Variants in SLC25A48 observed in about 807,000 individuals in gnomAD.
SLC25A48 encodes the protein CTC-321K16.1.
SLC25A48 carries 29 observed loss-of-function variants against 32.2 expected under a neutral mutation model. The ratio of observed to expected loss-of-function variants is 0.90; its 90% CI spans 0.67 to 1.23. The LOEUF (loss-of-function observed/expected upper bound fraction) is 1.23, where lower values mean the gene tolerates loss of function less well. Among genes scored for constraint, SLC25A48 ranks in the 50% most tolerant of loss-of-function variants. The pLI is 0.00. For synonymous variants in SLC25A48, 164 were observed against 172.3 expected (o/e 0.95, Z 0.38); for missense variants, 399 against 422.7 (o/e 0.94, Z 0.49).
At chr5:135,864,700 C>T (rs189930613) in intron 4 of SLC25A48, among the ~76,000 whole-genome samples, 1 of 152,356 alleles carries the variant, frequency 6.6e-6, no homozygotes, top group East Asian at 1.9e-4. Context: ...AGTTTGAACC[C>T]TTTGAACAGT....
At chr5:135,883,112 A>G in intron 7 of SLC25A48, 1 of 985,442 alleles carries the variant, frequency 1.0e-6, no homozygotes, top group African/African-American at 1.7e-5. Context: ...AGAACCCATG[A>G]TGTGAATTTA....
At chr5:135,855,751 G>A (rs544373832) in intron 4 of SLC25A48, among the ~76,000 whole-genome samples, 3 of 152,324 alleles carry the variant, frequency 2.0e-5, no homozygotes, top group East Asian at 1.9e-4. Context: ...GGACTCATAC[G>A]CATGTATGTC....
intron 5 of SLC25A48, chr5:135,872,584 A>G (rs1227320528): frequency 1.3e-5 from 2 of 152,284 alleles, no homozygotes; most frequent in Non-Finnish European, 2.9e-5. Flanking sequence ...GATGAAGGAT[A>G]TTGGTGCACC....
intron 3 of SLC25A48, among the ~76,000 whole-genome samples, chr5:135,771,739 G>A (rs1004735438): frequency 6.6e-6 from 1 of 151,432 alleles, no homozygotes; most frequent in East Asian, 1.9e-4. Context: ...ATATCCAAGG[G>A]GAGAGAGGAT....
chr5:135,697,822 G>A (rs2126963562), intron 3 of SLC25A48, among the ~76,000 whole-genome samples: 1 of 152,288 alleles, frequency 6.6e-6, no homozygotes, highest in Non-Finnish European at 1.5e-5. Flanking sequence ...CTGGCTGCCA[G>A]GTGAGCTGCC....
chr5:135,831,361 C>T (rs714089), upstream of SLC25A48, among the ~76,000 whole-genome samples: 20,608 of 152,304 alleles, frequency 0.14, 1,845 homozygotes, highest in Middle Eastern at 0.2. Context: ...ATCAGGCCTG[C>T]GCCAGGCTCT....
At chr5:135,668,193 G>A (rs1055068162) in intron 3 of SLC25A48, among the ~76,000 whole-genome samples, 4 of 152,094 alleles carry the variant, frequency 2.6e-5, no homozygotes, top group Admixed American at 6.5e-5. Context: ...ATAAATATTG[G>A]CACTAACAAG....
At chr5:135,882,340 T>C (rs1051242916) in intron 7 of SLC25A48, among the ~76,000 whole-genome samples, 37 of 152,332 alleles carry the variant, frequency 2.4e-4, no homozygotes, top group Middle Eastern at 3.4e-3. Flanking sequence ...CAAGTAGCTC[T>C]GAGATTTGGG....
At chr5:135,693,763 G>C (rs77818759) in intron 3 of SLC25A48, among the ~76,000 whole-genome samples, 4,107 of 152,266 alleles carry the variant, frequency 0.027, 71 homozygotes, top group Non-Finnish European at 0.04. Context: ...GAAAAAGGAG[G>C]GGGTCTGAGG....
chr5:135,820,615 G>A (rs1757859097), intron 4 of SLC25A48, among the ~76,000 whole-genome samples: 1 of 152,040 alleles, frequency 6.6e-6, no homozygotes, highest in East Asian at 1.9e-4. Context: ...GAGAGACAAA[G>A]AGATGGATAA....
At chr5:135,717,661 G>A (rs1368498396) in intron 3 of SLC25A48, among the ~76,000 whole-genome samples, 2 of 152,158 alleles carry the variant, frequency 1.3e-5, no homozygotes, top group Admixed American at 1.3e-4. Context: ...GGATGCACAG[G>A]TTGGTGTAGA....
At chr5:135,853,020 A>T (rs1354003851) in intron 4 of SLC25A48, among the ~76,000 whole-genome samples, 199 bp downstream of exon 4, 1 of 152,238 alleles carries the variant, frequency 6.6e-6, no homozygotes, top group Non-Finnish European at 1.5e-5. Context: ...ATCACAATAA[A>T]AGTCACATGA....
chr5:135,694,564 G>A (rs1456440940), intron 3 of SLC25A48, among the ~76,000 whole-genome samples: 1 of 151,896 alleles, frequency 6.6e-6, no homozygotes, highest in African/African-American at 2.4e-5. Flanking sequence ...AAGCCACATT[G>A]ATTATTTTAT....
At chr5:135,770,680 T>C (rs1220030920) in intron 3 of SLC25A48, among the ~76,000 whole-genome samples, 1 of 151,294 alleles carries the variant, frequency 6.6e-6, no homozygotes, top group African/African-American at 2.4e-5. Context: ...TTGTTTCTAA[T>C]ATCCAGAAAA....
intron 3 of SLC25A48, among the ~76,000 whole-genome samples, chr5:135,730,033 G>A (rs758158912): frequency 2.0e-4 from 31 of 152,292 alleles, no homozygotes; most frequent in South Asian, 4.1e-4. Flanking sequence ...AAACTGACAG[G>A]TGTAAGGTAT....
At chr5:135,777,271 A>G (rs945247256) in intron 3 of SLC25A48, among the ~76,000 whole-genome samples, 5 of 151,944 alleles carry the variant, frequency 3.3e-5, no homozygotes, top group Non-Finnish European at 5.9e-5. Context: ...CTAGAGGGGT[A>G]GTAGATGATA....
intron 7 of SLC25A48, among the ~76,000 whole-genome samples, chr5:135,881,491 A>G (rs953373379): frequency 1.3e-5 from 2 of 152,238 alleles, no homozygotes; most frequent in African/African-American, 2.4e-5. Flanking sequence ...CAACATTCAC[A>G]GCTTCTCTGG....
chr5:135,793,535 G>A (rs149584853), intron 3 of SLC25A48, among the ~76,000 whole-genome samples: 402 of 151,774 alleles, frequency 2.6e-3, no homozygotes, highest in African/African-American at 8.9e-3. Context: ...AATATTATTC[G>A]TAATATCCTT....
At position 135,849,443 on chromosome 5, in the gene SLC25A48, G is replaced by A. The variant is rs554134141; in HGVS notation, c.91-982G>A. Among the ~76,000 whole-genome samples the A allele has an allele frequency of 3.9e-5, 6 of 152,266 alleles. No homozygotes were observed. In the South Asian group the frequency reaches 8.3e-4, roughly 21 times the overall value. ...TAAGACTAGGGCAGGGGTACTCTTC[G>A]GTGGGCTTACTCAGACCCTCTATGC... On this transcript the variant is annotated intron_variant, in intron 2 of 7. Transcript: ENST00000681962.
Sources: allele counts gnomAD v4.1 joint callset (sites outside exome capture counted in the v4.1 genomes callset), GRCh38; gene constraint gnomAD v4.1.1; transcripts MANE v1.5; gene names NCBI Gene and HGNC (gene_info 2026-07-23, HGNC 2026-07-21).